Variants in HHIPL1 observed in about 807,000 individuals in gnomAD.
The protein encoded by HHIPL1 is HHIP like 1.
A neutral mutation model predicts 61.8 loss-of-function variants in HHIPL1; 43 were observed. The ratio of observed to expected loss-of-function variants is 0.70; its 90% CI spans 0.55 to 0.90. HHIPL1 has a LOEUF of 0.90. Among genes scored for constraint, HHIPL1 ranks in the 40% least tolerant of loss-of-function variants. HHIPL1 has a pLI of 0.00. For missense variants in HHIPL1, 1,056 were observed against 1,157.7 expected (o/e 0.91, Z 1.28); for synonymous variants, 482 against 515.8 (o/e 0.93, Z 0.89).
chr14:99,649,542 G>C (rs1026506806), intron 1 of HHIPL1, among the ~76,000 whole-genome samples: 5 of 152,192 alleles, frequency 3.3e-5, no homozygotes, highest in Admixed American at 6.5e-5. Flanking sequence ...TATAATCCCA[G>C]AACTTTGGCG....
At chr14:99,655,490 G>A (rs1441405471) in intron 2 of HHIPL1, among the ~76,000 whole-genome samples, 2 of 152,082 alleles carry the variant, frequency 1.3e-5, no homozygotes, top group Non-Finnish European at 2.9e-5. Flanking sequence ...CGGGCATGGT[G>A]GCATGCACCT....
rs139076457 is a variant in HHIPL1, at chr14:99,671,275, C to T, written c.1731-1042C>T. 1.0e-3 allele frequency among the ~76,000 whole-genome samples: 159 copies of T among 152,304 alleles called. 1 individual carries two copies. The highest frequency in any genetic ancestry group is 3.7e-3 in the African/African-American group (154 of 41,572). On this transcript the variant is annotated intron_variant, in intron 7 of 8. Coordinates refer to ENST00000330710, the MANE Select transcript of HHIPL1 (RefSeq NM_001127258.3). ...TGGCATTTTGGGGTGGATATCCTACCCTTTTGCATAACAAAGACTTTTAAT... is the reference window on the plus strand; with the variant it reads ...TGGCATTTTGGGGTGGATATCCTACTCTTTTGCATAACAAAGACTTTTAAT...
At chr14:99,636,769 C>T in the HHIPL1 span, among the ~76,000 whole-genome samples, 2 of 151,726 alleles carry the variant, frequency 1.3e-5, no homozygotes, top group Admixed American at 1.3e-4. Context: ...GGGAGAATTG[C>T]TTGAGCCCAG....
At chr14:99,645,990 T>G (rs2055827202) in intron 1 of HHIPL1, among the ~76,000 whole-genome samples, 2 of 152,250 alleles carry the variant, frequency 1.3e-5, no homozygotes, top group Admixed American at 6.5e-5. Flanking sequence ...CCCATCCTGA[T>G]GCCCTTGCCA....
chr14:99,615,556 A>C, the HHIPL1 span, among the ~76,000 whole-genome samples: 7 of 152,106 alleles, frequency 4.6e-5, no homozygotes, highest in African/African-American at 1.7e-4. Context: ...AAAGAAAAGA[A>C]AAGAAAGGAA....
chr14:99,623,098 C>G, the HHIPL1 span, among the ~76,000 whole-genome samples: 113 of 152,314 alleles, frequency 7.4e-4, no homozygotes, highest in Middle Eastern at 0.01. Context: ...CCCATTCCTG[C>G]AGGCAGCAGA....
chr14:99,658,357 G>A (rs1353061313), intron 3 of HHIPL1, among the ~76,000 whole-genome samples: 6 of 152,222 alleles, frequency 3.9e-5, no homozygotes, highest in African/African-American at 1.4e-4. Context: ...GCAGGCTGGA[G>A]TGTATGAGAG....
chr14:99,669,177 C>G, intron 7 of HHIPL1: 1 of 1,311,944 alleles, frequency 7.6e-7, no homozygotes, highest in South Asian at 2.2e-5. Context: ...CAGGGCCAAG[C>G]CTGTATCTCT....
At chr14:99,606,478 A>G in the HHIPL1 span, among the ~76,000 whole-genome samples, 1 of 152,238 alleles carries the variant, frequency 6.6e-6, no homozygotes, top group Admixed American at 6.5e-5. Flanking sequence ...GGAAAAACCC[A>G]CCAGCTCACC....
intron 1 of HHIPL1, among the ~76,000 whole-genome samples, chr14:99,651,511 C>T (rs1427035583): frequency 3.3e-5 from 5 of 152,132 alleles, no homozygotes; most frequent in East Asian, 1.9e-4. Context: ...AGAACTCACT[C>T]GCTCTACAGT....
At chr14:99,622,612 C>T in the HHIPL1 span, among the ~76,000 whole-genome samples, 1 of 152,208 alleles carries the variant, frequency 6.6e-6, no homozygotes, top group African/African-American at 2.4e-5. Context: ...ACCCCAGGGT[C>T]CCCAGCTATG....
At chr14:99,656,396 C>A (rs552010538) in intron 2 of HHIPL1, among the ~76,000 whole-genome samples, 1 of 152,272 alleles carries the variant, frequency 6.6e-6, no homozygotes. Flanking sequence ...GCCTTTAGGT[C>A]CTCCTTGGCA....
chr14:99,637,091 A>AGAAAGGAG, the HHIPL1 span, among the ~76,000 whole-genome samples: 7 of 126,970 alleles, frequency 5.5e-5, no homozygotes, highest in Non-Finnish European at 1.2e-4. Context: ...AAAGAAAGAA[A>AGAAAGGAG]GAAGGAAGGA....
chr14:99,645,212 C>A lies in HHIPL1; in HGVS notation c.5C>A (p.Ala2Asp). The A allele has an allele frequency of 2.3e-6, 3 of 1,291,204 alleles. No homozygotes were observed. The highest frequency in any genetic ancestry group is 2.9e-6 in the Non-Finnish European group (3 of 1,020,378). 80.0% of individuals were successfully genotyped at this position (1,291,204 alleles called of 1,614,324 possible). Residue 2 changes from alanine (A) to aspartate (D), a missense_variant, in exon 1 of 9, where the codon GCC becomes GAC. Transcript: ENST00000330710. ...CTTCCCCCGCGGGGCGTAGCGATGG[C>A]CCGGGCCAGGGCCGGGGCGCTGCTG... Reference protein sequence around the residue: MARARAGALLAL... With the variant: MDRARAGALLAL...
At chr14:99,640,573 C>T (rs2055737628), upstream of HHIPL1, among the ~76,000 whole-genome samples, 1 of 152,222 alleles carries the variant, frequency 6.6e-6, no homozygotes, top group Admixed American at 6.5e-5. Context: ...GGGTGAGCCA[C>T]TGTGCCCAGC....
chr14:99,674,861 C>G (rs1043265187), intron 8 of HHIPL1, among the ~76,000 whole-genome samples: 2 of 152,142 alleles, frequency 1.3e-5, no homozygotes, highest in African/African-American at 4.8e-5. Flanking sequence ...ACTGAAAAAG[C>G]CCCTGGCCCC....
At chr14:99,639,456 C>T in the HHIPL1 span, among the ~76,000 whole-genome samples, 1 of 151,742 alleles carries the variant, frequency 6.6e-6, no homozygotes, top group African/African-American at 2.4e-5. Context: ...GTAATCCTCC[C>T]ACCTCAGCCT....
chr14:99,661,308 A>G (rs1431289616), intron 5 of HHIPL1, among the ~76,000 whole-genome samples: 2 of 152,094 alleles, frequency 1.3e-5, no homozygotes, highest in African/African-American at 4.8e-5. Context: ...AGATGATCAT[A>G]GTACTTGCCC....
the HHIPL1 span, among the ~76,000 whole-genome samples, chr14:99,637,228 GAAAGAAAGAAAGAAAGAA>G: frequency 6.9e-6 from 1 of 145,068 alleles, no homozygotes; most frequent in South Asian, 2.2e-4. Flanking sequence ...AAGAAAGAAA[GAAAGAAAGAAAGAAAGAA>G]AGAAAGAAAG....
Sources: allele counts gnomAD v4.1 joint callset (sites outside exome capture counted in the v4.1 genomes callset), GRCh38; gene constraint gnomAD v4.1.1; transcripts MANE v1.5; gene names NCBI Gene and HGNC (gene_info 2026-07-23, HGNC 2026-07-21).